The following PGAP1 variants were observed in gnomAD, a reference collection of about 807,000 sequenced individuals.
The protein encoded by PGAP1 is GPI inositol-deacylase.
In PGAP1, 76 loss-of-function variants were observed where a neutral mutation model predicts 127.0. The observed-to-expected ratio is 0.60, with a 90% CI of 0.50 to 0.72. The LOEUF is 0.72. Among genes scored for constraint, PGAP1 ranks in the 30% least tolerant of loss-of-function variants. The probability of loss-of-function intolerance (pLI) is 0.00; values close to 1 mark genes in which losing one functional copy is unlikely to be tolerated. For synonymous variants in PGAP1, 362 were observed against 366.5 expected, an observed-to-expected ratio of 0.99 and a Z score of 0.14; for missense variants, 982 against 1,071.3, an observed-to-expected ratio of 0.92 and a Z score of 1.16.
At chr2:196,868,228 T>C (rs1701301753) in intron 19 of PGAP1, among the ~76,000 whole-genome samples, 1 of 152,218 alleles carries the variant, frequency 6.6e-6, no homozygotes, top group African/African-American at 2.4e-5. Flanking sequence ...TAGTAACTGG[T>C]ACATGGTAAC....
intron 20 of PGAP1, among the ~76,000 whole-genome samples, chr2:196,858,732 C>A (rs114562044): frequency 0.01 from 1,538 of 151,672 alleles, 23 homozygotes; most frequent in African/African-American, 0.035. Flanking sequence ...AGCTATGAAC[C>A]AGCTTCAGGG....
At chr2:196,872,627 A>G in intron 17 of PGAP1, 78 bp from the exon 18 acceptor site, 1 of 947,416 alleles carries the variant, frequency 1.1e-6, no homozygotes. Flanking sequence ...TCCTCAGCAC[A>G]ATACAACTGA....
intron 22 of PGAP1, among the ~76,000 whole-genome samples, chr2:196,846,300 T>C (rs1700554206): frequency 6.6e-6 from 1 of 152,172 alleles, no homozygotes; most frequent in South Asian, 2.1e-4. Context: ...AATTATACAC[T>C]CTGTGCCATA....
intron 20 of PGAP1, among the ~76,000 whole-genome samples, chr2:196,856,139 G>A (rs1700876274): frequency 6.6e-6 from 1 of 152,030 alleles, no homozygotes; most frequent in African/African-American, 2.4e-5. Context: ...TCAGTATCCT[G>A]AGTGGCTGGG....
At chr2:196,886,307 C>T (rs1196455898) in intron 10 of PGAP1, among the ~76,000 whole-genome samples, 1 of 151,310 alleles carries the variant, frequency 6.6e-6, no homozygotes, top group East Asian at 2.0e-4. Context: ...ATTACAGGTA[C>T]CCACCACCAT....
At chr2:196,926,402 A>G in intron 1 of PGAP1, 68 bp downstream of exon 1, 1 of 1,604,652 alleles carries the variant, frequency 6.2e-7, no homozygotes, top group South Asian at 1.1e-5. Flanking sequence ...GGACGAACCC[A>G]CAGAAGGAAA....
chr2:196,889,854 G>A (rs573507104), intron 10 of PGAP1, among the ~76,000 whole-genome samples: 8 of 119,444 alleles, frequency 6.7e-5, no homozygotes, highest in South Asian at 5.5e-4. Context: ...GCAAGACTCC[G>A]TCTCAAAAAA....
chr2:196,850,604 G>A lies in PGAP1; in HGVS notation c.1862-2567C>T, dbSNP rs575716792. On this transcript the variant is annotated intron_variant, in intron 20 of 26. Coordinates refer to ENST00000354764, the MANE Select transcript of PGAP1 (RefSeq NM_024989.4). ...AATCATCTGTCTTGTTTAGCCACAT[G>A]TAGGATGACAAGGCAGCAAGGAAGC... is the stretch of plus-strand genomic sequence containing the variant. 2.6e-5 allele frequency among the ~76,000 whole-genome samples: 4 copies of A among 152,188 alleles called. No individual in the cohort carries two copies. In the East Asian group the frequency reaches 7.7e-4, roughly 29 times the overall value.
chr2:196,907,069 G>A (rs1363602516), intron 4 of PGAP1, among the ~76,000 whole-genome samples: 1 of 81,040 alleles, frequency 1.2e-5, no homozygotes, highest in African/African-American at 5.5e-5. Flanking sequence ...TAGCAAGGCA[G>A]GCCAACGTTC....
intron 12 of PGAP1, among the ~76,000 whole-genome samples, chr2:196,881,837 T>C (rs1196717278): frequency 3.3e-5 from 5 of 152,224 alleles, no homozygotes; most frequent in Non-Finnish European, 7.3e-5. Context: ...CTGTTGATAG[T>C]TTCCTTTGCT....
intron 14 of PGAP1, among the ~76,000 whole-genome samples, chr2:196,874,586 T>G (rs1701502614): frequency 6.6e-6 from 1 of 152,204 alleles, no homozygotes; most frequent in South Asian, 2.1e-4. Flanking sequence ...AGGCACCACC[T>G]TAACCAAGAA....
At chr2:196,904,200 C>T (rs971139788) in intron 4 of PGAP1, among the ~76,000 whole-genome samples, 2 of 152,222 alleles carry the variant, frequency 1.3e-5, no homozygotes, top group African/African-American at 4.8e-5. Flanking sequence ...GAGTTAGCCA[C>T]TGGATGGTGG....
intron 1 of PGAP1, chr2:196,922,233 A>G (rs1164932431): frequency 7.9e-7 from 1 of 1,261,490 alleles, no homozygotes; most frequent in African/African-American, 1.6e-5. Flanking sequence ...CCCAGGTAAT[A>G]GAAAAATGCT....
At chr2:196,843,775 T>C (rs1338160499) in intron 25 of PGAP1, 113 bp downstream of exon 25, 10 of 533,914 alleles carry the variant, frequency 1.9e-5, no homozygotes, top group East Asian at 3.5e-5. Context: ...AGGTAATGTA[T>C]AGCTTCCTGT....
At chr2:196,872,589 T>C in intron 17 of PGAP1, 40 bp from the exon 18 acceptor site, 1 of 1,414,198 alleles carries the variant, frequency 7.1e-7, no homozygotes, top group Non-Finnish European at 1.0e-6. Context: ...AAATACAAAA[T>C]GCTGGTAAAG....
chr2:196,849,516 C>T (rs573143383), intron 20 of PGAP1, among the ~76,000 whole-genome samples: 6 of 151,814 alleles, frequency 4.0e-5, no homozygotes, highest in East Asian at 1.9e-4. Flanking sequence ...CCTCGTGATC[C>T]ACCCGCCTCA....
At chr2:196,861,188 A>T (rs1421649150) in intron 20 of PGAP1, among the ~76,000 whole-genome samples, 2 of 152,222 alleles carry the variant, frequency 1.3e-5, no homozygotes, top group Non-Finnish European at 2.9e-5. Context: ...TTAAATCAAA[A>T]TAAAGACTTA....
intron 20 of PGAP1, among the ~76,000 whole-genome samples, chr2:196,850,023 T>C (rs983456539): frequency 6.6e-6 from 1 of 152,132 alleles, no homozygotes; most frequent in Non-Finnish European, 1.5e-5. Flanking sequence ...TATCAGCAGA[T>C]AGGAGGGTAG....
chr2:196,912,235 C>T (rs1372122413), intron 4 of PGAP1, among the ~76,000 whole-genome samples: 2 of 152,110 alleles, frequency 1.3e-5, no homozygotes, highest in Non-Finnish European at 2.9e-5. Context: ...CTAGACATTG[C>T]TACTATCTTA....
Sources: gnomAD v4.1 joint callset for allele counts (sites outside exome capture counted in the v4.1 genomes callset) on GRCh38, gnomAD v4.1.1 for gene constraint, MANE v1.5 for transcripts, NCBI Gene and HGNC (gene_info 2026-07-23, HGNC 2026-07-21) for gene names.